Variants in OGFRL1 observed in about 807,000 individuals in gnomAD.
The protein encoded by OGFRL1 is opioid growth factor receptor-like protein 1.
Under a neutral mutation model 32.4 loss-of-function variants are expected in OGFRL1, and 26 were observed. The observed-to-expected ratio is 0.80, with a 90% CI of 0.59 to 1.11. The LOEUF (loss-of-function observed/expected upper bound fraction) is 1.11, where lower values mean the gene tolerates loss of function less well. Ranked by LOEUF, OGFRL1 falls within the 50% of genes most tolerant of loss-of-function variation. The pLI is 0.00. For synonymous variants in OGFRL1, 211 were observed against 201.2 expected (o/e 1.05, Z -0.41); for missense variants, 521 against 546.4 (o/e 0.95, Z 0.46).
intron 6 of OGFRL1, among the ~76,000 whole-genome samples, chr6:71,300,179 G>A (rs1194881355): frequency 6.6e-6 from 1 of 152,208 alleles, no homozygotes; most frequent in Non-Finnish European, 1.5e-5. Flanking sequence ...GCTTTAGGAA[G>A]TTAGAAATAA....
chr6:71,299,399 C>A (rs1166411628), intron 6 of OGFRL1, among the ~76,000 whole-genome samples: 1 of 152,068 alleles, frequency 6.6e-6, no homozygotes, highest in Admixed American at 6.6e-5. Flanking sequence ...TAGTTTTGTT[C>A]TGGGATACTC....
Position 71,306,146 on chromosome 6 carries a change from G to A in OGFRL1, c.*4097G>A, listed in dbSNP as rs2149359274. On this transcript the variant is annotated 3_prime_UTR_variant, in exon 7 of 7. Transcript: ENST00000370435. The stretch of plus-strand genomic sequence containing the variant: ...TTCCCCTCTCTCATTTGGGGTATAT[G>A]CGTTGAGTATAAGGTAGGCTGTATT... 1 of 152,238 alleles carries A rather than the reference G, an allele frequency of 6.6e-6. No individual in the cohort carries two copies. Among genetic ancestry groups the A allele is most frequent in the African/African-American group, 2.4e-5 (1 of 41,562 alleles). The allele number at this position is 152,238 out of a possible 1,614,324, so 9.4% of individuals were successfully genotyped here. A position where few individuals can be genotyped will look rare whatever the true frequency, so the allele number is the denominator to read the frequency against.
In OGFRL1 at chr6:71,307,001, A is replaced by C. The variant is rs1356726590; in HGVS notation, c.*4952A>C. 6.6e-6 allele frequency: 1 copy of C among 152,340 alleles called. No individual in the cohort carries two copies. The highest frequency in any genetic ancestry group is 1.9e-4 in the East Asian group (1 of 5,192). 9.4% of individuals were successfully genotyped at this position (152,340 alleles called of 1,614,324 possible). On this transcript the variant is annotated 3_prime_UTR_variant, in exon 7 of 7. Transcript: ENST00000370435. ...ACTGTTCTTGCATTTTTCCTAGACT[A>C]CAGAGAGTGTTCTTTGTCATTTTTT... is the stretch of plus-strand genomic sequence containing the variant.
Position 71,308,346 on chromosome 6 carries a change from G to GT in OGFRL1, c.*6302dup, listed in dbSNP as rs1321987625. The GT allele has an allele frequency of 2.0e-5, 3 of 152,160 alleles. No individual in the cohort carries two copies. The highest frequency in any genetic ancestry group is 4.4e-5 in the Non-Finnish European group (3 of 68,012). 9.4% of individuals were successfully genotyped at this position (152,160 alleles called of 1,614,324 possible). On this transcript the variant is annotated 3_prime_UTR_variant, in exon 7 of 7. Coordinates refer to ENST00000370435, the MANE Select transcript of OGFRL1 (RefSeq NM_024576.5). ...GTCCTTTGACAAGCATTTTCCTCCTGTTTTTAAAAAGGGCTTTAAGTTGTT... is the reference window on the plus strand; with the variant it reads ...GTCCTTTGACAAGCATTTTCCTCCTGTTTTTTAAAAAGGGCTTTAAGTTGTT...
chr6:71,301,348 G>A (rs1766378644), intron 6 of OGFRL1, 38 bp from the exon 7 acceptor site: 1 of 1,490,882 alleles, frequency 6.7e-7, no homozygotes, highest in South Asian at 1.4e-5. Context: ...TCCTACACCT[G>A]ATTTCCCCCA....
chr6:71,297,798 A>T lies in OGFRL1; in HGVS notation c.692+981A>T, dbSNP rs186717762. Among the ~76,000 whole-genome samples the T allele has an allele frequency of 6.9e-4, 105 of 151,566 alleles. 1 individual carries two copies. The highest frequency in any genetic ancestry group is 1.9e-3 in the African/African-American group (79 of 41,446). ...TGGTAAGATGGGTATAAATATATAT[A>T]TTTTTAATTTTATTATTATTATACT... On this transcript the variant is annotated intron_variant, in intron 6 of 6. Transcript: ENST00000370435.
At position 71,305,024 on chromosome 6, in the gene OGFRL1, G is replaced by A. The variant is rs1766506553; in HGVS notation, c.*2975G>A. The A allele has an allele frequency of 1.3e-5, 2 of 152,026 alleles. No homozygotes were observed. Among genetic ancestry groups the A allele is most frequent in the Admixed American group, 1.3e-4 (2 of 15,280 alleles). The allele number at this position is 152,026 out of a possible 1,614,324, so 9.4% of individuals were successfully genotyped here. ...GCTCTGGGTTTGACTCCTATGTTTT[G>A]TAATTTTAAAAACTACGATATGCTT... On this transcript the variant is annotated 3_prime_UTR_variant, in exon 7 of 7. Coordinates refer to ENST00000370435, the MANE Select transcript of OGFRL1 (RefSeq NM_024576.5).
intron 6 of OGFRL1, among the ~76,000 whole-genome samples, chr6:71,300,419 A>G (rs1766343192): frequency 6.6e-6 from 1 of 152,184 alleles, no homozygotes; most frequent in Non-Finnish European, 1.5e-5. Flanking sequence ...GAGAGGAAAG[A>G]TGTTAGTGTA....
rs945842980 is a variant in OGFRL1 at position 71,296,555 on chromosome 6, A to G, written c.540A>G (p.Glu180=). ...NFYAKELTTY[E]IEEFKKTKEA... The stretch of plus-strand genomic sequence containing the variant: ...ATGCCAAAGAACTAACTACATATGA[A>G]ATTGAGGTAATGCAAGCTCATTTCA... The change falls in exon 5 of 7, where the codon GAA becomes GAG. Residue 180 remains glutamate (E), a synonymous_variant. Transcript: ENST00000370435. The G allele has an allele frequency of 1.2e-6, 2 of 1,611,762 alleles. No individual in the cohort carries two copies. The highest frequency in any genetic ancestry group is 2.7e-5 in the African/African-American group (2 of 74,872).
rs2149359932 is a variant in OGFRL1, at chr6:71,307,604, C to T, written c.*5555C>T. 1 of 152,168 alleles carries T rather than the reference C, an allele frequency of 6.6e-6. No homozygotes were observed. The highest frequency in any genetic ancestry group is 1.9e-4 in the East Asian group (1 of 5,184). The allele number at this position is 152,168 out of a possible 1,614,324, so 9.4% of individuals were successfully genotyped here. A position where few individuals can be genotyped will look rare whatever the true frequency, so the allele number is the denominator to read the frequency against. The stretch of plus-strand genomic sequence containing the variant: ...GATTCAGAGAAAAGGCAGTAGTGGT[C>T]ACTTACTGTGCTAAAATACCTTTTT... On this transcript the variant is annotated 3_prime_UTR_variant, in exon 7 of 7. Transcript: ENST00000370435.
chr6:71,307,443 A>G lies in OGFRL1; in HGVS notation c.*5394A>G, dbSNP rs1180489386. 1 of 152,140 alleles carries G rather than the reference A, an allele frequency of 6.6e-6. No homozygotes were observed. The highest frequency in any genetic ancestry group is 2.4e-5 in the African/African-American group (1 of 41,420). 9.4% of individuals were successfully genotyped at this position (152,140 alleles called of 1,614,324 possible). A position where few individuals can be genotyped will look rare whatever the true frequency, so the allele number is the denominator to read the frequency against. Reference sequence around the variant, plus strand: ...ACTGTGAGCAGTTGGGCATTAGTAAATTGTAGTTATATCTTAACGATCTTG... The same window carrying G: ...ACTGTGAGCAGTTGGGCATTAGTAAGTTGTAGTTATATCTTAACGATCTTG... On this transcript the variant is annotated 3_prime_UTR_variant, in exon 7 of 7. Coordinates refer to ENST00000370435, the MANE Select transcript of OGFRL1 (RefSeq NM_024576.5).
rs770869978 is a variant in OGFRL1, at chr6:71,296,495, G to T, written c.480G>T (p.Trp160Cys). Residue 160 changes from tryptophan to cysteine, a missense_variant and splice_region_variant, in exon 5 of 7, where the codon TGG becomes TGT. Coordinates refer to ENST00000370435, the MANE Select transcript of OGFRL1 (RefSeq NM_024576.5). ...KLEHNHTYIQ[W>C]LFPLREQGLN... ...AATTTTATTTTTTTAAAATAAATAG[G>T]CTTTTCCCCCTGAGAGAACAAGGCT... is the stretch of plus-strand genomic sequence containing the variant. 1 of 1,606,092 alleles carries T rather than the reference G, an allele frequency of 6.2e-7. No homozygotes were observed. Among genetic ancestry groups the T allele is most frequent in the South Asian group, 1.1e-5 (1 of 89,002 alleles).
Position 71,303,276 on chromosome 6 carries a change from A to G in OGFRL1, c.*1227A>G, listed in dbSNP as rs1766454608. 6.6e-6 allele frequency: 1 copy of G among 152,210 alleles called. No homozygotes were observed. Among genetic ancestry groups the G allele is most frequent in the African/African-American group, 2.4e-5 (1 of 41,452 alleles). 9.4% of individuals were successfully genotyped at this position (152,210 alleles called of 1,614,324 possible). A position where few individuals can be genotyped will look rare whatever the true frequency, so the allele number is the denominator to read the frequency against. ...AGCATTCCTAGATTTTGGTAACTGC[A>G]GAGGGTCCTGGAACCAACCCCCTAC... On this transcript the variant is annotated 3_prime_UTR_variant, in exon 7 of 7. Coordinates refer to ENST00000370435, the MANE Select transcript of OGFRL1 (RefSeq NM_024576.5).
chr6:71,288,869 G>T lies in OGFRL1; in HGVS notation c.-68G>T. The T allele has an allele frequency of 8.8e-7, 1 of 1,134,836 alleles. No homozygotes were observed. 70.3% of individuals were successfully genotyped at this position (1,134,836 alleles called of 1,614,324 possible). On this transcript the variant is annotated 5_prime_UTR_variant, in exon 1 of 7. Coordinates refer to ENST00000370435, the MANE Select transcript of OGFRL1 (RefSeq NM_024576.5). ...GCGCCCTCGCCGCGGCCATGCCCGGGCCCTAGAGCGCCTGCCGCAGCTTGC... is the reference window on the plus strand; with the variant it reads ...GCGCCCTCGCCGCGGCCATGCCCGGTCCCTAGAGCGCCTGCCGCAGCTTGC...
At position 71,302,152 on chromosome 6, in the gene OGFRL1, C is replaced by T. The variant is rs905040903; in HGVS notation, c.*103C>T. On this transcript the variant is annotated 3_prime_UTR_variant, in exon 7 of 7. Coordinates refer to ENST00000370435, the MANE Select transcript of OGFRL1 (RefSeq NM_024576.5). ...GAGGTCAATTTCAAATTTTAGCCAT[C>T]TGTTTGTGATTTCTGTCATAAGCAT... The T allele has an allele frequency of 9.7e-7, 1 of 1,034,720 alleles. No individual in the cohort carries two copies. The highest frequency in any genetic ancestry group is 1.6e-5 in the African/African-American group (1 of 61,182). 64.1% of individuals were successfully genotyped at this position (1,034,720 alleles called of 1,614,324 possible).
intron 6 of OGFRL1, 81 bp downstream of exon 6, chr6:71,296,898 A>G (rs546835546): frequency 4.1e-4 from 613 of 1,488,760 alleles, no homozygotes; most frequent in Non-Finnish European, 4.8e-4. Context: ...ACGCAGGAAC[A>G]ACTAGCAGAT....
intron 6 of OGFRL1, 43 bp from the exon 7 acceptor site, chr6:71,301,343 C>T (rs1766378460): frequency 1.4e-6 from 2 of 1,461,848 alleles, no homozygotes; most frequent in African/African-American, 1.4e-5. Context: ...TGCCTTCCTA[C>T]ACCTGATTTC....
In OGFRL1 at chr6:71,308,408, T is replaced by TA. The variant is rs1350669428; in HGVS notation, c.*6361dup. 6.7e-6 allele frequency: 1 copy of TA among 150,206 alleles called. No individual in the cohort carries two copies. Among genetic ancestry groups the TA allele is most frequent in the African/African-American group, 2.4e-5 (1 of 41,360 alleles). The allele number at this position is 150,206 out of a possible 1,614,324, so 9.3% of individuals were successfully genotyped here. A position where few individuals can be genotyped will look rare whatever the true frequency, so the allele number is the denominator to read the frequency against. The stretch of plus-strand genomic sequence containing the variant: ...GTAATCTTTCTTTTTTAGTATTATC[T>TA]AAGAAGGATGGTAGATTATGTCATT... On this transcript the variant is annotated 3_prime_UTR_variant, in exon 7 of 7. Coordinates refer to ENST00000370435, the MANE Select transcript of OGFRL1 (RefSeq NM_024576.5).
In OGFRL1 at chr6:71,302,083, G is replaced by C. The variant is rs1397439949; in HGVS notation, c.*34G>C. 1.4e-6 allele frequency: 2 copies of C among 1,470,684 alleles called. No individual in the cohort carries two copies. The highest frequency in any genetic ancestry group is 1.8e-6 in the Non-Finnish European group (2 of 1,120,074). 91.1% of individuals were successfully genotyped at this position (1,470,684 alleles called of 1,614,324 possible). On this transcript the variant is annotated 3_prime_UTR_variant, in exon 7 of 7. Coordinates refer to ENST00000370435, the MANE Select transcript of OGFRL1 (RefSeq NM_024576.5). ...AAAACCCAGAAGCCAGTTTAGGCTAGAGAGGAAAAAACTACTGTATCATTT... is the reference window on the plus strand; with the variant it reads ...AAAACCCAGAAGCCAGTTTAGGCTACAGAGGAAAAAACTACTGTATCATTT...
Sources: allele counts gnomAD v4.1 joint callset (sites outside exome capture counted in the v4.1 genomes callset), GRCh38; gene constraint gnomAD v4.1.1; transcripts MANE v1.5; gene names NCBI Gene and HGNC (gene_info 2026-07-23, HGNC 2026-07-21).